Variants in GRM5 observed in about 807,000 individuals in gnomAD.
GRM5 encodes the protein metabotropic glutamate receptor 5.
Under a neutral mutation model 83.1 loss-of-function variants are expected in GRM5, and 19 were observed. The ratio of observed to expected loss-of-function variants is 0.23; its 90% CI spans 0.16 to 0.34. The LOEUF is 0.34. Among genes scored for constraint, GRM5 ranks in the 10% least tolerant of loss-of-function variants. The pLI, the probability that GRM5 is intolerant of heterozygous loss-of-function variation, is 1.00. For missense variants in GRM5, 1,160 were observed against 1,588.3 expected (o/e 0.73, Z 4.58); for synonymous variants, 675 against 633.6 (o/e 1.07, Z -0.98).
intron 3 of GRM5, among the ~76,000 whole-genome samples, chr11:88,767,299 A>G (rs1942642381): frequency 1.3e-5 from 2 of 152,034 alleles, no homozygotes; most frequent in East Asian, 1.9e-4. Context: ...CAGAATTGCT[A>G]TTTGATCCAG....
At chr11:88,648,453 T>A (rs968376755) in intron 4 of GRM5, among the ~76,000 whole-genome samples, 12 of 120,266 alleles carry the variant, frequency 1.0e-4, no homozygotes, top group African/African-American at 3.8e-4. Flanking sequence ...AATTGAACAA[T>A]GAGATCACAT....
chr11:88,886,688 C>A (rs909442256), intron 2 of GRM5, among the ~76,000 whole-genome samples: 1 of 152,256 alleles, frequency 6.6e-6, no homozygotes, highest in East Asian at 1.9e-4. Context: ...CGGACCCCAG[C>A]CTCTGACTAC....
chr11:88,993,066 A>T (rs1393751119), intron 2 of GRM5, among the ~76,000 whole-genome samples: 1 of 151,282 alleles, frequency 6.6e-6, no homozygotes, highest in Admixed American at 6.6e-5. Flanking sequence ...AAAAAAAAAG[A>T]TCATCCTATC....
chr11:88,967,209 G>C (rs750457848), intron 2 of GRM5, among the ~76,000 whole-genome samples: 2 of 132,872 alleles, frequency 1.5e-5, no homozygotes, highest in Non-Finnish European at 3.2e-5. Flanking sequence ...GTGTGTGTGT[G>C]TGTGTATATA....
chr11:88,883,326 G>A (rs1190578704), intron 2 of GRM5, among the ~76,000 whole-genome samples: 1 of 152,178 alleles, frequency 6.6e-6, no homozygotes, highest in Non-Finnish European at 1.5e-5. Context: ...GGACAATGAA[G>A]TCCCATTCAG....
intron 8 of GRM5, among the ~76,000 whole-genome samples, chr11:88,547,764 G>C (rs749644281): frequency 6.6e-6 from 1 of 152,100 alleles, no homozygotes; most frequent in South Asian, 2.1e-4. Flanking sequence ...GGGCATACAG[G>C]CTCAAATTAT....
chr11:88,970,513 G>C (rs1939135312), intron 2 of GRM5, among the ~76,000 whole-genome samples: 2 of 152,174 alleles, frequency 1.3e-5, no homozygotes, highest in South Asian at 4.1e-4. Flanking sequence ...CTGAAATGGA[G>C]CCTTACTCTG....
At chr11:88,992,138 A>G (rs1004412764) in intron 2 of GRM5, among the ~76,000 whole-genome samples, 4 of 152,232 alleles carry the variant, frequency 2.6e-5, no homozygotes, top group Admixed American at 2.6e-4. Flanking sequence ...AATAATATCC[A>G]GAACCTACAA....
chr11:88,551,842 ACT>A (rs1485959930), intron 8 of GRM5, among the ~76,000 whole-genome samples: 1 of 152,118 alleles, frequency 6.6e-6, no homozygotes, highest in Non-Finnish European at 1.5e-5. Context: ...TGGTAGTTTG[ACT>A]CTGAAGAATT....
At chr11:88,706,667 T>G (rs997835610) in intron 3 of GRM5, among the ~76,000 whole-genome samples, 28 of 152,112 alleles carry the variant, frequency 1.8e-4, no homozygotes, top group African/African-American at 6.3e-4. Flanking sequence ...TTCTAATGCC[T>G]TATCTACCAA....
At chr11:88,817,058 G>A (rs1405928036) in intron 3 of GRM5, among the ~76,000 whole-genome samples, 1 of 151,990 alleles carries the variant, frequency 6.6e-6, no homozygotes, top group African/African-American at 2.4e-5. Context: ...TTTTATTGTT[G>A]AGTTTATTTT....
Position 88,509,291 on chromosome 11 carries a change from C to T in GRM5, c.2940G>A (p.Ala980=). 1.3e-6 allele frequency: 2 copies of T among 1,492,464 alleles called. No homozygotes were observed. The highest frequency in any genetic ancestry group is 2.3e-4 in the Middle Eastern group (1 of 4,326). The allele number at this position is 1,492,464 out of a possible 1,614,324, so 92.5% of individuals were successfully genotyped here. The stretch of plus-strand genomic sequence containing the variant: ...CGCCTGGGCCGGCGCCTGCGCAGCC[C>T]GCACCGCCCGTGGCCCCCACGCCCC... ...SAGGVGATGG[A]GCAGAGPGGP... Residue 980 remains alanine (A), a synonymous_variant, in exon 10 of 10, where the codon GCG becomes GCA. Transcript: ENST00000305447.
intron 2 of GRM5, among the ~76,000 whole-genome samples, chr11:88,893,215 G>A (rs991895501): frequency 6.6e-6 from 1 of 151,756 alleles, no homozygotes; most frequent in African/African-American, 2.4e-5. Flanking sequence ...ACTTCTTATT[G>A]GGTTTGGTAA....
At chr11:88,696,863 A>G (rs1338092855) in intron 3 of GRM5, among the ~76,000 whole-genome samples, 1 of 152,148 alleles carries the variant, frequency 6.6e-6, no homozygotes, top group Non-Finnish European at 1.5e-5. Flanking sequence ...ACTTATCACT[A>G]AACTCCAAAA....
intron 2 of GRM5, among the ~76,000 whole-genome samples, chr11:88,985,135 T>G (rs1312537046): frequency 6.6e-6 from 1 of 152,110 alleles, no homozygotes; most frequent in Non-Finnish European, 1.5e-5. Context: ...TCTCTTAATC[T>G]CACCATGTTT....
intron 2 of GRM5, among the ~76,000 whole-genome samples, chr11:88,998,461 A>T (rs1469989230): frequency 1.3e-5 from 2 of 152,152 alleles, no homozygotes; most frequent in Non-Finnish European, 2.9e-5. Context: ...ATCTCCAAAA[A>T]ACCAGCAGTA....
At chr11:89,009,758 G>A (rs1940632619) in intron 2 of GRM5, among the ~76,000 whole-genome samples, 1 of 150,956 alleles carries the variant, frequency 6.6e-6, no homozygotes, top group Non-Finnish European at 1.5e-5. Flanking sequence ...AAAATTAGCC[G>A]GGCGTGGTAG....
intron 8 of GRM5, among the ~76,000 whole-genome samples, chr11:88,565,135 A>C (rs1195720142): frequency 6.6e-6 from 1 of 152,156 alleles, no homozygotes; most frequent in Non-Finnish European, 1.5e-5. Context: ...TTTCGGAGGA[A>C]GAAATCAAAG....
chr11:88,757,793 G>A (rs1391343188), intron 3 of GRM5, among the ~76,000 whole-genome samples: 1 of 152,132 alleles, frequency 6.6e-6, no homozygotes, highest in Non-Finnish European at 1.5e-5. Flanking sequence ...AACAAGAATG[G>A]ATCCTGCTGC....
Sources: gnomAD v4.1 joint callset for allele counts (sites outside exome capture counted in the v4.1 genomes callset) on GRCh38, gnomAD v4.1.1 for gene constraint, MANE v1.5 for transcripts, NCBI Gene and HGNC (gene_info 2026-07-23, HGNC 2026-07-21) for gene names.